ZC3HC1: variants seen among roughly 807,000 people sequenced by gnomAD.
The protein encoded by ZC3HC1 is zinc finger C3HC-type protein 1.
Under a neutral mutation model 61.9 loss-of-function variants are expected in ZC3HC1, and 38 were observed. The ratio of observed to expected loss-of-function variants is 0.61; its 90% CI spans 0.47 to 0.81. The LOEUF is 0.81. ZC3HC1 is among the 30% of genes least tolerant of loss of function. The probability of loss-of-function intolerance (pLI) is 0.00; values close to 1 mark genes in which losing one functional copy is unlikely to be tolerated. For synonymous variants in ZC3HC1, 213 were observed against 229.9 expected (o/e 0.93, Z 0.67); for missense variants, 554 against 622.7 (o/e 0.89, Z 1.17).
Position 130,022,236 on chromosome 7 carries a change from G to T in ZC3HC1, c.1440+83C>A, listed in dbSNP as rs555915586. On this transcript the variant is annotated intron_variant, in intron 9 of 9. Coordinates refer to ENST00000358303, the MANE Select transcript of ZC3HC1 (RefSeq NM_016478.5). ...ACGTATGAAAGCTGAAGGCAGGCGG[G>T]GTGCTAATTATAGGCCCAGCCTCTG... The T allele has an allele frequency of 4.5e-5, 69 of 1,540,470 alleles. No homozygotes were observed. The South Asian group carries it at 7.2e-4, about 16-fold the overall frequency.
chr7:130,029,251 G>A (rs1365342524), intron 4 of ZC3HC1, among the ~76,000 whole-genome samples: 4 of 152,028 alleles, frequency 2.6e-5, no homozygotes, highest in Non-Finnish European at 5.9e-5. Flanking sequence ...GCGCGTGCCT[G>A]TAATCCCAGC....
At chr7:130,034,011 C>A (rs903939610) in intron 4 of ZC3HC1, among the ~76,000 whole-genome samples, 1 of 152,042 alleles carries the variant, frequency 6.6e-6, no homozygotes, top group African/African-American at 2.4e-5. Context: ...TTTTAAACAG[C>A]CTTACTGAGG....
chr7:130,047,238 G>C (rs553155654), intron 2 of ZC3HC1, among the ~76,000 whole-genome samples: 1 of 152,136 alleles, frequency 6.6e-6, no homozygotes, highest in African/African-American at 2.4e-5. Context: ...TTGGATTACA[G>C]GTGTAAGCCA....
In ZC3HC1 at chr7:130,022,459, T is replaced by C; in HGVS notation, c.1300A>G (p.Ile434Val). The C allele has an allele frequency of 2.5e-6, 4 of 1,612,242 alleles. No individual in the cohort carries two copies. The highest frequency in any genetic ancestry group is 1.1e-5 in the South Asian group (1 of 90,776). ...TCCCTGCTTTCTTTGCCAAGTGTGA[T>C]ATTCACCCAAGGGCACCAGTCTCTA... is the stretch of plus-strand genomic sequence containing the variant. Reference protein sequence around the residue: ...QHRDWCPWVNITLGKESRENG... With the variant: ...QHRDWCPWVNVTLGKESRENG... Residue 434 changes from isoleucine to valine, a missense_variant, in exon 9 of 10, where the codon ATC becomes GTC. Ile to Val is a conservative substitution (Grantham distance 29). Coordinates refer to ENST00000358303, the MANE Select transcript of ZC3HC1 (RefSeq NM_016478.5).
rs1179125730 is a variant in ZC3HC1, at chr7:130,040,877, T to C, written c.409+74A>G. On this transcript the variant is annotated intron_variant, in intron 3 of 9. Transcript: ENST00000358303. ...TTTTTGATCAAACTAAAATGACCTT[T>C]TTTCCCCCCCCAGAAAACCAGGATA... The C allele has an allele frequency of 9.7e-6, 14 of 1,446,252 alleles. No homozygotes were observed. The East Asian group carries it at 2.4e-4, about 25-fold the overall frequency. 89.6% of individuals were successfully genotyped at this position (1,446,252 alleles called of 1,614,324 possible).
chr7:130,038,493 C>T (rs1794510784), intron 4 of ZC3HC1, among the ~76,000 whole-genome samples: 1 of 152,096 alleles, frequency 6.6e-6, no homozygotes, highest in African/African-American at 2.4e-5. Context: ...GGTTTGAAAT[C>T]AGATTAAACT....
chr7:130,045,626 G>A (rs1343637296), intron 2 of ZC3HC1: 1 of 429,946 alleles, frequency 2.3e-6, no homozygotes, highest in Admixed American at 2.4e-5. Flanking sequence ...ACTGGGCCAG[G>A]TGCAGTGGCT....
intron 1 of ZC3HC1, chr7:130,050,486 GTTCTAGGCC>G: frequency 6.7e-7 from 1 of 1,494,018 alleles, no homozygotes; most frequent in Non-Finnish European, 8.8e-7. Flanking sequence ...AGCGGGTGTG[GTTCTAGGCC>G]AAAAAAAATT....
chr7:130,042,947 G>A (rs975539584), intron 2 of ZC3HC1, among the ~76,000 whole-genome samples: 1 of 152,168 alleles, frequency 6.6e-6, no homozygotes, highest in African/African-American at 2.4e-5. Context: ...GGCCTTCCAT[G>A]GTGCTGGGAT....
At chr7:130,046,601 C>T (rs1794874974) in intron 2 of ZC3HC1, among the ~76,000 whole-genome samples, 1 of 145,312 alleles carries the variant, frequency 6.9e-6, no homozygotes, top group African/African-American at 2.5e-5. Flanking sequence ...AATGAGACTC[C>T]ATCTCAAAAA....
At position 130,023,817 on chromosome 7, in the gene ZC3HC1, TGAGACAGAGTCTCGC is replaced by T; in HGVS notation, c.1021-109_1021-95del. The T allele has an allele frequency of 2.6e-6, 3 of 1,134,606 alleles. No homozygotes were observed. The highest frequency in any genetic ancestry group is 3.7e-6 in the Non-Finnish European group (3 of 817,226). The allele number at this position is 1,134,606 out of a possible 1,614,324, so 70.3% of individuals were successfully genotyped here. A position where few individuals can be genotyped will look rare whatever the true frequency, so the allele number is the denominator to read the frequency against. Reference sequence around the variant, plus strand: ...CTTTAATCTTTTTTCTTTTTTTTTTTGAGACAGAGTCTCGCTTTGTTGCCAAGGCTGGAGAGCAGT... The same window carrying T: ...CTTTAATCTTTTTTCTTTTTTTTTTTTTTGTTGCCAAGGCTGGAGAGCAGT... On this transcript the variant is annotated intron_variant, in intron 7 of 9. Transcript: ENST00000358303. The surrounding 1 kb of genome is among the most constrained non-coding windows in gnomAD (Gnocchi z 4.2).
chr7:130,034,434 G>GACCCGGGAGGCAGAGCTTGCAGTGAGCCA, intron 4 of ZC3HC1, among the ~76,000 whole-genome samples: 1 of 144,062 alleles, frequency 6.9e-6, no homozygotes, highest in Non-Finnish European at 1.5e-5. Flanking sequence ...GCAGTGAGCC[G>GACCCGGGAGGCAGAGCTTGCAGTGAGCCA]AGACCCTGCC....
chr7:130,050,986 A>C (rs940787), intron 1 of ZC3HC1, among the ~76,000 whole-genome samples: 151,856 of 152,350 alleles, frequency 1, 75,684 homozygotes, highest in Non-Finnish European at 1. Flanking sequence ...GGTCCTCTTT[A>C]CTTCCAAAAA....
At chr7:130,041,331 G>A (rs575373034) in intron 2 of ZC3HC1, among the ~76,000 whole-genome samples, 2 of 151,952 alleles carry the variant, frequency 1.3e-5, no homozygotes, top group African/African-American at 2.4e-5. Context: ...GGGACCACAG[G>A]TGCACGCCAC....
intron 4 of ZC3HC1, among the ~76,000 whole-genome samples, chr7:130,035,170 AT>A (rs1173927993): frequency 1.3e-5 from 2 of 152,038 alleles, no homozygotes; most frequent in African/African-American, 4.8e-5. Context: ...AGAGTGGATC[AT>A]TTGAGGTCAG....
At chr7:130,031,682 T>C (rs1794201516) in intron 4 of ZC3HC1, among the ~76,000 whole-genome samples, 1 of 152,170 alleles carries the variant, frequency 6.6e-6, no homozygotes, top group African/African-American at 2.4e-5. Context: ...CCCTGGAATC[T>C]AGAAGGACAT....
At chr7:130,018,801 C>A in intron 9 of ZC3HC1, 69 bp from the exon 10 acceptor site, 3 of 1,355,906 alleles carry the variant, frequency 2.2e-6, no homozygotes, top group South Asian at 1.2e-5. Context: ...ATCATTTGTC[C>A]CACAATGATC....
At position 130,023,028 on chromosome 7, in the gene ZC3HC1, T is replaced by G; in HGVS notation, c.1233+483A>C. The G allele has an allele frequency of 5.7e-6, 1 of 174,532 alleles. No homozygotes were observed. Among genetic ancestry groups the G allele is most frequent in the Non-Finnish European group, 1.2e-5 (1 of 81,014 alleles). The allele number at this position is 174,532 out of a possible 1,614,324, so 10.8% of individuals were successfully genotyped here. A position where few individuals can be genotyped will look rare whatever the true frequency, so the allele number is the denominator to read the frequency against. ...TCACCCCCAGATGAGATCATCTAGT[T>G]GCAGGAAAACAAGCTGCAGGTTCCC... On this transcript the variant is annotated intron_variant, in intron 8 of 9. Transcript: ENST00000358303. The surrounding 1 kb of genome is among the most constrained non-coding windows in gnomAD (Gnocchi z 4.2).
At chr7:130,024,568 A>T in intron 6 of ZC3HC1, 62 bp from the exon 7 acceptor site, 2 of 1,539,666 alleles carry the variant, frequency 1.3e-6, no homozygotes, top group East Asian at 4.5e-5. Context: ...ACTAAGTGCA[A>T]TGTCTTGTGA....
Sources: allele counts gnomAD v4.1 joint callset (sites outside exome capture counted in the v4.1 genomes callset), GRCh38; gene constraint gnomAD v4.1.1; non-coding constraint Gnocchi (gnomAD v3.1); transcripts MANE v1.5; gene names NCBI Gene and HGNC (gene_info 2026-07-23, HGNC 2026-07-21).